The following TM7SF3 variants were observed in gnomAD, a reference collection of about 807,000 sequenced individuals.
The protein encoded by TM7SF3 is seven span transmembrane protein.
A neutral mutation model predicts 65.5 loss-of-function variants in TM7SF3; 60 were observed. That is an observed-to-expected ratio of 0.92 (90% CI 0.74 to 1.14). The LOEUF (loss-of-function observed/expected upper bound fraction) is 1.14, where lower values mean the gene tolerates loss of function less well. Ranked by LOEUF, TM7SF3 falls within the 50% of genes most tolerant of loss-of-function variation. The pLI, the probability that TM7SF3 is intolerant of heterozygous loss-of-function variation, is 0.00. For missense variants in TM7SF3, 623 were observed against 684.8 expected, an observed-to-expected ratio of 0.91 and a Z score of 1.01; for synonymous variants, 264 against 259.6, an observed-to-expected ratio of 1.02 and a Z score of -0.16.
intron 7 of TM7SF3, among the ~76,000 whole-genome samples, chr12:26,982,451 A>G (rs934664438): frequency 1.3e-5 from 2 of 152,216 alleles, no homozygotes; most frequent in Non-Finnish European, 2.9e-5. Context: ...TGCTGGGATT[A>G]CAGGCATGAG....
intron 3 of TM7SF3, 133 bp downstream of exon 3, chr12:26,999,392 TC>T (rs1940736554): frequency 1.1e-6 from 1 of 904,384 alleles, no homozygotes. Context: ...CGAGACTCCA[TC>T]TCAAAAAAAA....
intron 2 of TM7SF3, 66 bp from the exon 3 acceptor site, chr12:26,999,742 C>T (rs1940755615): frequency 2.6e-6 from 4 of 1,556,516 alleles, no homozygotes; most frequent in African/African-American, 1.4e-5. Flanking sequence ...CTGAGCTGAT[C>T]CAGTGTGCAT....
intron 6 of TM7SF3, chr12:26,983,611 T>C (rs1939912468): frequency 4.4e-6 from 2 of 452,722 alleles, no homozygotes; most frequent in Admixed American, 2.4e-5. Context: ...AACAAGATAA[T>C]GGCCATAAAT....
At chr12:26,982,129 G>A (rs902724426) in intron 7 of TM7SF3, among the ~76,000 whole-genome samples, 8 of 152,106 alleles carry the variant, frequency 5.3e-5, no homozygotes, top group African/African-American at 1.9e-4. Flanking sequence ...TGCCTCCCGG[G>A]CTCAAGCAAT....
intron 8 of TM7SF3, 129 bp from the exon 9 acceptor site, chr12:26,980,065 G>GCCT: frequency 3.6e-6 from 4 of 1,119,114 alleles, no homozygotes; most frequent in Non-Finnish European, 5.1e-6. Flanking sequence ...GCTCTTCAGT[G>GCCT]GTGCCATGAA....
chr12:26,977,249 T>C (rs755090287), intron 9 of TM7SF3, among the ~76,000 whole-genome samples: 21 of 152,218 alleles, frequency 1.4e-4, no homozygotes, highest in Admixed American at 3.3e-4. Flanking sequence ...CTAGTTTAAC[T>C]ATATTAACCT....
chr12:27,001,021 T>C (rs1015292299), intron 2 of TM7SF3, among the ~76,000 whole-genome samples: 1 of 151,996 alleles, frequency 6.6e-6, no homozygotes, highest in African/African-American at 2.4e-5. Flanking sequence ...TAGTTTCAAT[T>C]TGATAAGCAT....
intron 8 of TM7SF3, chr12:26,980,146 C>T (rs1939753463): frequency 8.3e-6 from 5 of 603,400 alleles, no homozygotes; most frequent in Non-Finnish European, 1.4e-5. Flanking sequence ...GGAGCTAAAC[C>T]TCACAGGGCC....
At chr12:26,976,134 C>A (rs1345766296) in intron 10 of TM7SF3, 126 bp downstream of exon 10, 3 of 696,566 alleles carry the variant, frequency 4.3e-6, no homozygotes, top group Admixed American at 2.7e-5. Flanking sequence ...TATTTAGAAT[C>A]AGTCATCTGA....
At chr12:27,012,625 G>C (rs1355851574) in intron 1 of TM7SF3, 1 of 455,862 alleles carries the variant, frequency 2.2e-6, no homozygotes, top group Non-Finnish European at 4.4e-6. Context: ...CAAACCATGA[G>C]CTGTTGCCCA....
chr12:26,996,779 T>A lies in TM7SF3; in HGVS notation c.481A>T (p.Thr161Ser). 1 of 1,613,546 alleles carries A rather than the reference T, an allele frequency of 6.2e-7. No homozygotes were observed. Among genetic ancestry groups the A allele is most frequent in the African/African-American group, 1.3e-5 (1 of 74,998 alleles). Residue 161 changes from threonine (T) to serine (S), a missense_variant, in exon 4 of 12, where the codon ACT becomes TCT. Physicochemically the swap from Thr to Ser is moderately conservative, Grantham distance 58 (BLOSUM62 1). Transcript: ENST00000343028. ...IYLEYNFFET[T>S]IKFAPANLGY... ...AGGTTTGCTGGGGCAAACTTGATAG[T>A]CGTTTCAAAGAAATTATACTCCAAG... is the stretch of plus-strand genomic sequence containing the variant.
Position 26,979,691 on chromosome 12 carries a change from C to T in TM7SF3, c.1189+93G>A. ...TTTCCAGAACTCCACAGGAGAAGCA[C>T]TGACATGCAACACCACTCCAGGATG... On this transcript the variant is annotated intron_variant, in intron 9 of 11. Coordinates refer to ENST00000343028, the MANE Select transcript of TM7SF3 (RefSeq NM_016551.3). 5.0e-6 allele frequency: 7 copies of T among 1,410,514 alleles called. 1 individual carries two copies. The South Asian group carries it at 9.3e-5, about 19-fold the overall frequency. The allele number at this position is 1,410,514 out of a possible 1,614,324, so 87.4% of individuals were successfully genotyped here.
chr12:26,978,871 A>C (rs1192264194), intron 9 of TM7SF3: 2 of 151,994 alleles, frequency 1.3e-5, no homozygotes, highest in African/African-American at 2.4e-5. Flanking sequence ...ATGAGCCACC[A>C]TGCTCAGCCA....
intron 1 of TM7SF3, among the ~76,000 whole-genome samples, chr12:27,012,240 C>T (rs1941271212): frequency 6.6e-6 from 1 of 152,162 alleles, no homozygotes; most frequent in South Asian, 2.1e-4. Context: ...TCATTTGTTC[C>T]TCTGACAAGG....
intron 6 of TM7SF3, among the ~76,000 whole-genome samples, 182 bp downstream of exon 6, chr12:26,990,268 T>C (rs745423800): frequency 2.0e-5 from 3 of 152,216 alleles, no homozygotes; most frequent in Admixed American, 6.5e-5. Flanking sequence ...TCCCTCACTA[T>C]AATATAAGCT....
At position 27,003,457 on chromosome 12, in the gene TM7SF3, A is replaced by T. The variant is rs1042287926; in HGVS notation, c.92-67T>A. On this transcript the variant is annotated intron_variant, in intron 1 of 11. Transcript: ENST00000343028. ...ATATCAATTTGCAGAAATCATATTC[A>T]TAAATGAATGTGGAATTTAATCCTC... is the stretch of plus-strand genomic sequence containing the variant. The T allele has an allele frequency of 8.6e-5, 122 of 1,423,132 alleles. No individual in the cohort carries two copies. In the East Asian group the frequency reaches 2.8e-3, roughly 33 times the overall value. 88.2% of individuals were successfully genotyped at this position (1,423,132 alleles called of 1,614,324 possible). A position where few individuals can be genotyped will look rare whatever the true frequency, so the allele number is the denominator to read the frequency against.
intron 1 of TM7SF3, chr12:27,013,097 G>T (rs555727702): frequency 5.9e-6 from 1 of 170,064 alleles, no homozygotes; most frequent in East Asian, 1.8e-4. Context: ...AGGTGAATTT[G>T]AAGTGGCAAT....
At chr12:26,997,363 A>G (rs953347832) in intron 3 of TM7SF3, among the ~76,000 whole-genome samples, 3 of 152,166 alleles carry the variant, frequency 2.0e-5, no homozygotes, top group African/African-American at 4.8e-5. Context: ...TATATGTTTC[A>G]ATATCATGTT....
At chr12:27,002,335 A>G (rs1940865634) in intron 2 of TM7SF3, among the ~76,000 whole-genome samples, 1 of 152,106 alleles carries the variant, frequency 6.6e-6, no homozygotes, top group Admixed American at 6.6e-5. Flanking sequence ...AAGTGTGGTG[A>G]CATGTGCCTG....
Sources: allele counts gnomAD v4.1 joint callset (sites outside exome capture counted in the v4.1 genomes callset), GRCh38; gene constraint gnomAD v4.1.1; transcripts MANE v1.5; gene names NCBI Gene and HGNC (gene_info 2026-07-23, HGNC 2026-07-21).